The following WWOX variants were observed in gnomAD, a reference collection of about 807,000 sequenced individuals.
The protein encoded by WWOX is WW domain containing oxidoreductase, also known as WW domain-containing oxidoreductase.
A neutral mutation model predicts 46.2 loss-of-function variants in WWOX; 69 were observed. That is an observed-to-expected ratio of 1.49 (90% confidence interval 1.23 to 1.82). WWOX has a LOEUF of 1.82. Among genes scored for constraint, WWOX ranks in the 40% most tolerant of loss-of-function variants. WWOX has a pLI of 0.00. For synonymous variants in WWOX, 359 were observed against 202.6 expected (o/e 1.77, Z -6.56); for missense variants, 919 against 542.6 (o/e 1.69, Z -6.89).
chr16:79,198,125 G>A (rs971547603), intron 8 of WWOX, among the ~76,000 whole-genome samples: 4 of 151,524 alleles, frequency 2.6e-5, no homozygotes, highest in Non-Finnish European at 5.9e-5. Context: ...AGGAGTTGGA[G>A]ACCAGCCTGG....
chr16:78,565,506 C>T (rs1289968550), intron 8 of WWOX, among the ~76,000 whole-genome samples: 1 of 152,220 alleles, frequency 6.6e-6, no homozygotes, highest in Non-Finnish European at 1.5e-5. Context: ...ACATTCTCCT[C>T]ATCTGGCCCT....
At chr16:79,163,610 C>A (rs1463475064) in intron 8 of WWOX, among the ~76,000 whole-genome samples, 1 of 151,956 alleles carries the variant, frequency 6.6e-6, no homozygotes, top group Non-Finnish European at 1.5e-5. Flanking sequence ...ACTAGCCTGC[C>A]CAAAATGGAG....
chr16:78,239,450 A>G (rs1210576496), intron 5 of WWOX, among the ~76,000 whole-genome samples: 1 of 152,136 alleles, frequency 6.6e-6, no homozygotes, highest in Non-Finnish European at 1.5e-5. Flanking sequence ...CTGGTGTGTT[A>G]TTGTCAAGGG....
intron 5 of WWOX, among the ~76,000 whole-genome samples, chr16:78,307,113 G>T (rs1379049172): frequency 6.6e-6 from 1 of 152,074 alleles, no homozygotes; most frequent in African/African-American, 2.4e-5. Flanking sequence ...TTTCTACACC[G>T]TGGCTACTTT....
Position 78,099,856 on chromosome 16 carries a change from C to T in WWOX, c.78C>T (p.Thr26=), listed in dbSNP as rs761493229. The T allele has an allele frequency of 6.0e-5, 94 of 1,579,388 alleles. No individual in the cohort carries two copies. Among genetic ancestry groups the T allele is most frequent in the Non-Finnish European group, 7.0e-5 (81 of 1,163,568 alleles). Residue 26 remains threonine, a synonymous_variant, in exon 1 of 9, where the codon ACC becomes ACT. Coordinates refer to ENST00000566780, the MANE Select transcript of WWOX (RefSeq NM_016373.4). ...TGCCTCCGGGCTGGGAGGAGAGAAC[C>T]ACCAAGGACGGCTGGGTTTACTACG... ...DELPPGWEER[T]TKDGWVYYAN...
At chr16:78,840,304 G>A (rs1269663288) in intron 8 of WWOX, among the ~76,000 whole-genome samples, 1 of 152,116 alleles carries the variant, frequency 6.6e-6, no homozygotes, top group Non-Finnish European at 1.5e-5. Context: ...TTCACGTCTT[G>A]TTCTAGTTTT....
intron 5 of WWOX, among the ~76,000 whole-genome samples, chr16:78,176,023 C>T (rs964338796): frequency 1.3e-5 from 2 of 152,158 alleles, no homozygotes; most frequent in African/African-American, 4.8e-5. Flanking sequence ...AGGAATCACC[C>T]CGCTTTGGCA....
At chr16:78,861,073 G>T (rs1311040279) in intron 8 of WWOX, among the ~76,000 whole-genome samples, 1 of 152,088 alleles carries the variant, frequency 6.6e-6, no homozygotes, top group African/African-American at 2.4e-5. Context: ...GCTTGCCTTG[G>T]CCTCCCAAAG....
At chr16:78,433,915 A>G (rs544593569) in intron 8 of WWOX, among the ~76,000 whole-genome samples, 90 of 147,176 alleles carry the variant, frequency 6.1e-4, no homozygotes, top group Middle Eastern at 3.8e-3. Context: ...TCAGCCTCCC[A>G]AGTAGCTGGG....
chr16:78,625,136 C>T (rs886998033), intron 8 of WWOX, among the ~76,000 whole-genome samples: 1 of 152,218 alleles, frequency 6.6e-6, no homozygotes, highest in Non-Finnish European at 1.5e-5. Context: ...GCTACTAAAA[C>T]TTTGCTGGAG....
intron 8 of WWOX, among the ~76,000 whole-genome samples, chr16:79,091,867 A>T (rs1213151368): frequency 3.0e-5 from 4 of 131,314 alleles, no homozygotes; most frequent in Non-Finnish European, 4.6e-5. Context: ...TGCAACCTCC[A>T]CTTCCTGGGT....
intron 8 of WWOX, among the ~76,000 whole-genome samples, chr16:78,990,357 C>A (rs979820438): frequency 2.0e-5 from 3 of 152,112 alleles, no homozygotes; most frequent in Non-Finnish European, 4.4e-5. Flanking sequence ...TTGAGAAGGG[C>A]CCTGTCCGCA....
At chr16:78,408,445 G>T (rs1375986043) in intron 6 of WWOX, among the ~76,000 whole-genome samples, 1 of 152,122 alleles carries the variant, frequency 6.6e-6, no homozygotes, top group East Asian at 1.9e-4. Flanking sequence ...TCCACTGAGA[G>T]TTTTCCTTTT....
chr16:78,719,237 C>G (rs1267495415), intron 8 of WWOX, among the ~76,000 whole-genome samples: 1 of 152,200 alleles, frequency 6.6e-6, no homozygotes, highest in Admixed American at 6.5e-5. Context: ...AGCACACAGC[C>G]TGGCATACGA....
chr16:78,803,665 C>T (rs562938763), intron 8 of WWOX, among the ~76,000 whole-genome samples: 5 of 152,122 alleles, frequency 3.3e-5, no homozygotes, highest in East Asian at 3.9e-4. Context: ...CCCTATGTTG[C>T]CCAGGTTGCT....
rs1326147043 is a variant in WWOX at position 78,418,379 on chromosome 16, AAAAG to A, written c.606-6488_606-6485del. ...TAAGACTCCATCTCAGAAAAAAAAA[AAAAG>A]AATTAATATCAATTTTCCACAAACT... is the stretch of plus-strand genomic sequence containing the variant. On this transcript the variant is annotated intron_variant, in intron 6 of 8. Coordinates refer to ENST00000566780, the MANE Select transcript of WWOX (RefSeq NM_016373.4). Among the ~76,000 whole-genome samples, 6 of 152,204 alleles carry A rather than the reference AAAAG, an allele frequency of 3.9e-5. No homozygotes were observed. In the East Asian group the frequency reaches 1.2e-3, roughly 29 times the overall value.
At chr16:78,680,760 T>C (rs2047710903) in intron 8 of WWOX, among the ~76,000 whole-genome samples, 2 of 152,110 alleles carry the variant, frequency 1.3e-5, no homozygotes, top group Non-Finnish European at 2.9e-5. Context: ...ATTGCACAGT[T>C]TGGGTATGGA....
At chr16:78,469,558 G>T (rs1277847396) in intron 8 of WWOX, among the ~76,000 whole-genome samples, 1 of 152,196 alleles carries the variant, frequency 6.6e-6, no homozygotes, top group Non-Finnish European at 1.5e-5. Context: ...GGGGTGTGCA[G>T]AAGGGCTTTT....
At chr16:79,049,590 C>A (rs2048128224) in intron 8 of WWOX, among the ~76,000 whole-genome samples, 1 of 152,164 alleles carries the variant, frequency 6.6e-6, no homozygotes, top group Admixed American at 6.5e-5. Flanking sequence ...GTAATCCCAG[C>A]ACTTTGGGAG....
Sources: allele counts gnomAD v4.1 joint callset (sites outside exome capture counted in the v4.1 genomes callset), GRCh38; gene constraint gnomAD v4.1.1; transcripts MANE v1.5; gene names NCBI Gene and HGNC (gene_info 2026-07-23, HGNC 2026-07-21).